Variants in FLRT2 observed in about 807,000 individuals in gnomAD.
FLRT2 encodes leucine-rich repeat transmembrane protein FLRT2.
FLRT2 carries 15 observed loss-of-function variants against 40.0 expected under a neutral mutation model. The observed-to-expected ratio is 0.38, with a 90% CI of 0.25 to 0.58. The LOEUF is 0.58. FLRT2 is among the 20% of genes least tolerant of loss of function. FLRT2 has a pLI of 0.71. For missense variants in FLRT2, 726 were observed against 840.0 expected, an observed-to-expected ratio of 0.86 and a Z score of 1.68; for synonymous variants, 380 against 336.8, an observed-to-expected ratio of 1.13 and a Z score of -1.41.
chr14:85,599,660 A>T (rs1164632113), intron 1 of FLRT2, among the ~76,000 whole-genome samples: 1 of 152,128 alleles, frequency 6.6e-6, no homozygotes, highest in Admixed American at 6.6e-5. Context: ...TTAATCTTTA[A>T]TCAGTTCAAT....
At position 85,572,357 on chromosome 14, in the gene FLRT2, C is replaced by T. The variant is rs189917052; in HGVS notation, c.-377+41823C>T. Among the ~76,000 whole-genome samples the T allele has an allele frequency of 3.1e-3, 476 of 152,172 alleles. 1 individual carries two copies. Among genetic ancestry groups the T allele is most frequent in the Non-Finnish European group, 4.6e-3 (313 of 68,016 alleles). ...CTTTGGGCTATTCATCAGGAGCTGC[C>T]GTGTGTACTTTTATGTTCTTTTGTA... On this transcript the variant is annotated intron_variant, in intron 1 of 1. Transcript: ENST00000330753.
chr14:85,576,501 T>A (rs1274025590), intron 1 of FLRT2, among the ~76,000 whole-genome samples: 4 of 152,222 alleles, frequency 2.6e-5, no homozygotes, highest in African/African-American at 9.6e-5. Context: ...GAGCTTTACA[T>A]GTTATTAAAA....
rs1301508354 is a variant in FLRT2 at position 85,624,250 on chromosome 14, C to T, written c.*753C>T. 1 of 167,078 alleles carries T rather than the reference C, an allele frequency of 6.0e-6. No individual in the cohort carries two copies. The highest frequency in any genetic ancestry group is 1.9e-4 in the East Asian group (1 of 5,196). 10.3% of individuals were successfully genotyped at this position (167,078 alleles called of 1,614,324 possible). A position where few individuals can be genotyped will look rare whatever the true frequency, so the allele number is the denominator to read the frequency against. On this transcript the variant is annotated 3_prime_UTR_variant, in exon 2 of 2. Coordinates refer to ENST00000330753, the MANE Select transcript of FLRT2 (RefSeq NM_013231.6). ...ACTTGAGTCTGATTTCAGTCATCTT[C>T]AGGGACCAGTCTGATGTTGTAGCAA...
chr14:85,552,315 T>C (rs149888874), intron 1 of FLRT2, among the ~76,000 whole-genome samples: 210 of 152,318 alleles, frequency 1.4e-3, no homozygotes, highest in African/African-American at 5.0e-3. Flanking sequence ...ACTTAACCTA[T>C]ATAATCCTCA....
chr14:85,554,281 T>A (rs1252014336), intron 1 of FLRT2, among the ~76,000 whole-genome samples: 1 of 152,206 alleles, frequency 6.6e-6, no homozygotes, highest in East Asian at 1.9e-4. Flanking sequence ...CAAAGTCATG[T>A]CACAAAATAC....
Position 85,629,213 on chromosome 14 carries a change from C to A in FLRT2, c.*5716C>A, listed in dbSNP as rs1893805744. The A allele has an allele frequency of 6.6e-6, 1 of 152,094 alleles. No homozygotes were observed. Among genetic ancestry groups the A allele is most frequent in the Non-Finnish European group, 1.5e-5 (1 of 68,012 alleles). 9.4% of individuals were successfully genotyped at this position (152,094 alleles called of 1,614,324 possible). On this transcript the variant is annotated 3_prime_UTR_variant, in exon 2 of 2. Transcript: ENST00000330753. The stretch of plus-strand genomic sequence containing the variant: ...TAAATTGACAGGACATCTAAGGTGA[C>A]AAAAGAGATGTTTCTACCTGTTGGT...
At chr14:85,597,861 T>C (rs1312288991) in intron 1 of FLRT2, among the ~76,000 whole-genome samples, 1 of 152,250 alleles carries the variant, frequency 6.6e-6, no homozygotes, top group Non-Finnish European at 1.5e-5. Flanking sequence ...TGGCTTCAAA[T>C]TGTATACTGA....
chr14:85,560,852 TTTC>T, intron 1 of FLRT2: 1 of 152,308 alleles, frequency 6.6e-6, no homozygotes, highest in East Asian at 1.9e-4. Flanking sequence ...AAAATTTTCT[TTTC>T]TTCTTTTCGT....
At chr14:85,599,215 T>C (rs1892276307) in intron 1 of FLRT2, among the ~76,000 whole-genome samples, 1 of 106,412 alleles carries the variant, frequency 9.4e-6, no homozygotes, top group African/African-American at 3.9e-5. Context: ...CCGCTGCGCC[T>C]GGCCTTTTTT....
intron 1 of FLRT2, among the ~76,000 whole-genome samples, chr14:85,556,846 TA>T (rs1889992608): frequency 6.6e-6 from 1 of 152,148 alleles, no homozygotes; most frequent in South Asian, 2.1e-4. Flanking sequence ...ACGCCGCTAA[TA>T]AAGACATACC....
Position 85,621,447 on chromosome 14 carries a change from T to G in FLRT2, c.-68T>G. 1 of 1,429,118 alleles carries G rather than the reference T, an allele frequency of 7.0e-7. No homozygotes were observed. The highest frequency in any genetic ancestry group is 9.4e-7 in the Non-Finnish European group (1 of 1,059,812). 88.5% of individuals were successfully genotyped at this position (1,429,118 alleles called of 1,614,324 possible). On this transcript the variant is annotated 5_prime_UTR_variant, in exon 2 of 2. In the 5' UTR this introduces an upstream ATG that the reference lacks. Transcript: ENST00000330753. The stretch of plus-strand genomic sequence containing the variant: ...CAGAACCCCATCCAGTCATTTTGAT[T>G]TTGCTGTTTATTTTTTTTTTCTTTT...
At position 85,649,644 on chromosome 14, in the gene FLRT2, T is replaced by C. The variant is rs1291658773; in HGVS notation, c.*26147T>C. 1 of 152,116 alleles carries C rather than the reference T, an allele frequency of 6.6e-6. No individual in the cohort carries two copies. Among genetic ancestry groups the C allele is most frequent in the Admixed American group, 6.6e-5 (1 of 15,250 alleles). 9.4% of individuals were successfully genotyped at this position (152,116 alleles called of 1,614,324 possible). A position where few individuals can be genotyped will look rare whatever the true frequency, so the allele number is the denominator to read the frequency against. Reference sequence around the variant, plus strand: ...TGGTTTTAGGCAAAGGATTTTAAGATAAATTCTTTCATACTGGAATTTGTG... The same window carrying C: ...TGGTTTTAGGCAAAGGATTTTAAGACAAATTCTTTCATACTGGAATTTGTG... On this transcript the variant is annotated 3_prime_UTR_variant, in exon 2 of 2. Transcript: ENST00000330753.
At position 85,646,366 on chromosome 14, in the gene FLRT2, C is replaced by A. The variant is rs1894304136; in HGVS notation, c.*22869C>A. ...AATGTGATGTGAGGAAATACCAAAG[C>A]TCATGGTAATCTCAGATGTCATTGG... is the stretch of plus-strand genomic sequence containing the variant. On this transcript the variant is annotated 3_prime_UTR_variant, in exon 2 of 2. Transcript: ENST00000330753. 1 of 152,158 alleles carries A rather than the reference C, an allele frequency of 6.6e-6. No homozygotes were observed. Among genetic ancestry groups the A allele is most frequent in the Non-Finnish European group, 1.5e-5 (1 of 68,038 alleles). 9.4% of individuals were successfully genotyped at this position (152,158 alleles called of 1,614,324 possible).
At position 85,641,410 on chromosome 14, in the gene FLRT2, T is replaced by A. The variant is rs1249819003; in HGVS notation, c.*17913T>A. 1.3e-5 allele frequency: 2 copies of A among 152,244 alleles called. No individual in the cohort carries two copies. Among genetic ancestry groups the A allele is most frequent in the Non-Finnish European group, 2.9e-5 (2 of 68,052 alleles). 9.4% of individuals were successfully genotyped at this position (152,244 alleles called of 1,614,324 possible). The stretch of plus-strand genomic sequence containing the variant: ...AGTGAAGTGGAAACTCTCTTCTTAC[T>A]AATGTCAGTCTTGGGCCCAAGAGGC... On this transcript the variant is annotated 3_prime_UTR_variant, in exon 2 of 2. Coordinates refer to ENST00000330753, the MANE Select transcript of FLRT2 (RefSeq NM_013231.6).
Position 85,652,134 on chromosome 14 carries a change from A to G in FLRT2, c.*28637A>G, listed in dbSNP as rs1894447010. 6.6e-6 allele frequency: 1 copy of G among 152,120 alleles called. No homozygotes were observed. The highest frequency in any genetic ancestry group is 6.6e-5 in the Admixed American group (1 of 15,260). 9.4% of individuals were successfully genotyped at this position (152,120 alleles called of 1,614,324 possible). A position where few individuals can be genotyped will look rare whatever the true frequency, so the allele number is the denominator to read the frequency against. ...TAGGAGGCAAAACAAAGTATTATTAAAAGTATGTTTGATGTTGCTGAAGAT... is the reference window on the plus strand; with the variant it reads ...TAGGAGGCAAAACAAAGTATTATTAGAAGTATGTTTGATGTTGCTGAAGAT... On this transcript the variant is annotated 3_prime_UTR_variant, in exon 2 of 2. Transcript: ENST00000330753.
At chr14:85,548,837 G>C (rs1412765354) in intron 1 of FLRT2, among the ~76,000 whole-genome samples, 1 of 152,158 alleles carries the variant, frequency 6.6e-6, no homozygotes, top group Non-Finnish European at 1.5e-5. Context: ...CCCGAATGTT[G>C]CCTTTTCCAA....
At chr14:85,533,453 T>G (rs1888423228) in intron 1 of FLRT2, among the ~76,000 whole-genome samples, 1 of 151,970 alleles carries the variant, frequency 6.6e-6, no homozygotes, top group South Asian at 2.1e-4. Flanking sequence ...GGCTCCGAGC[T>G]GTCCGCACAC....
intron 1 of FLRT2, among the ~76,000 whole-genome samples, chr14:85,582,824 C>T (rs1416476870): frequency 2.0e-5 from 3 of 151,664 alleles, no homozygotes; most frequent in East Asian, 1.9e-4. Flanking sequence ...TGTTAAGTAG[C>T]GGCTAGCAGA....
intron 1 of FLRT2, among the ~76,000 whole-genome samples, chr14:85,588,623 A>G (rs150575792): frequency 3.2e-3 from 485 of 152,254 alleles, no homozygotes; most frequent in Non-Finnish European, 4.8e-3. Context: ...CAAACAACCC[A>G]GTTATACTCT....
Sources: gnomAD v4.1 joint callset for allele counts (sites outside exome capture counted in the v4.1 genomes callset) on GRCh38, gnomAD v4.1.1 for gene constraint, MANE v1.5 for transcripts, NCBI Gene and HGNC (gene_info 2026-07-23, HGNC 2026-07-21) for gene names.